Variants in AMBRA1 observed in about 807,000 individuals in gnomAD.
The protein encoded by AMBRA1 is activating molecule in BECN1-regulated autophagy protein 1.
In AMBRA1, 47 loss-of-function variants were observed where a neutral mutation model predicts 125.4. The observed-to-expected ratio is 0.37, with a 90% CI of 0.30 to 0.48. The LOEUF is 0.48. Ranked by LOEUF, AMBRA1 falls within the 20% of genes least tolerant of loss-of-function variation. AMBRA1 has a pLI of 0.99. For synonymous variants in AMBRA1, 626 were observed against 655.5 expected, an observed-to-expected ratio of 0.95 and a Z score of 0.69; for missense variants, 1,331 against 1,693.4, an observed-to-expected ratio of 0.79 and a Z score of 3.76.
At chr11:46,489,971 A>G (rs1950405155) in intron 11 of AMBRA1, among the ~76,000 whole-genome samples, 1 of 152,220 alleles carries the variant, frequency 6.6e-6, no homozygotes, top group South Asian at 2.1e-4. Flanking sequence ...CAAGTGACAT[A>G]ACTTTCTGAG....
rs1230247251 is a variant in AMBRA1, at chr11:46,397,638, C to G, written c.3709G>C (p.Gly1237Arg). The G allele has an allele frequency of 5.6e-6, 9 of 1,612,534 alleles. No homozygotes were observed. The highest frequency in any genetic ancestry group is 6.8e-6 in the Non-Finnish European group (8 of 1,178,994). The change falls in exon 18 of 18, where the codon GGT becomes CGT. Residue 1237 changes from glycine (G) to arginine (R), a missense_variant. Gly to Arg is a moderately radical substitution (Grantham distance 125). This residue lies in a region of AMBRA1 where 144 missense variants were observed against 133.9 expected (regional missense o/e 1.08). Transcript: ENST00000683756. Reference sequence around the variant, plus strand: ...TGGGTTGGCTCCCGCCCAGGGGTACCAGGCTGGTCCCAGGAAGCTGTCCGG... The same window carrying G: ...TGGGTTGGCTCCCGCCCAGGGGTACGAGGCTGGTCCCAGGAAGCTGTCCGG... ...SPRTASWDQPGTPGREPTQPT... is the reference protein window; with the variant it reads ...SPRTASWDQPRTPGREPTQPT...
At chr11:46,593,056 G>A (rs1473420602) in intron 1 of AMBRA1, among the ~76,000 whole-genome samples, 1 of 152,144 alleles carries the variant, frequency 6.6e-6, no homozygotes, top group African/African-American at 2.4e-5. Context: ...AACTGTCATT[G>A]CTACACTAGT....
intron 17 of AMBRA1, among the ~76,000 whole-genome samples, chr11:46,400,369 TC>T (rs913587177): frequency 6.6e-6 from 1 of 151,708 alleles, no homozygotes; most frequent in African/African-American, 2.4e-5. Flanking sequence ...GAGTTGGATT[TC>T]CAGGCCAGCC....
Position 46,554,446 on chromosome 11 carries a change from G to A in AMBRA1, c.-120-5946C>T, listed in dbSNP as rs538746657. Among the ~76,000 whole-genome samples, 26 of 152,140 alleles carry A rather than the reference G, an allele frequency of 1.7e-4. No individual in the cohort carries two copies. The South Asian group carries it at 5.4e-3, about 32-fold the overall frequency. On this transcript the variant is annotated intron_variant, in intron 1 of 17. Transcript: ENST00000683756. ...TATCAATACCAAGAAAAAAATCAAA[G>A]GATCAGGATTACCAAACAACATTTC...
intron 12 of AMBRA1, among the ~76,000 whole-genome samples, chr11:46,436,964 C>T (rs1359852215): frequency 6.6e-6 from 1 of 152,186 alleles, no homozygotes; most frequent in Non-Finnish European, 1.5e-5. Context: ...ATTTTATCTA[C>T]ATTTAATGTC....
At position 46,418,511 on chromosome 11, in the gene AMBRA1, A is replaced by G. The variant is rs1260002376; in HGVS notation, c.2977-459T>C. 3.3e-5 allele frequency among the ~76,000 whole-genome samples: 5 copies of G among 151,634 alleles called. 1 individual carries two copies. The East Asian group carries it at 9.6e-4, about 29-fold the overall frequency. The stretch of plus-strand genomic sequence containing the variant: ...GGTGTGCTGCACCCATTAACTCGTC[A>G]GTCACATTAGGTATATCTTCTAATG... On this transcript the variant is annotated intron_variant, in intron 14 of 17. Transcript: ENST00000683756.
At chr11:46,433,999 T>C (rs895106328) in intron 13 of AMBRA1, among the ~76,000 whole-genome samples, 7 of 150,370 alleles carry the variant, frequency 4.7e-5, no homozygotes, top group African/African-American at 1.7e-4. Flanking sequence ...CCTGTAATAC[T>C]AGCTACTCGG....
At chr11:46,550,572 G>C (rs1039876195) in intron 1 of AMBRA1, among the ~76,000 whole-genome samples, 1 of 152,100 alleles carries the variant, frequency 6.6e-6, no homozygotes, top group Non-Finnish European at 1.5e-5. Context: ...TTAATGGGGG[G>C]AGATGCTGAA....
chr11:46,524,792 CT>C (rs1565251565), intron 7 of AMBRA1, among the ~76,000 whole-genome samples: 1 of 152,162 alleles, frequency 6.6e-6, no homozygotes, highest in African/African-American at 2.4e-5. Context: ...TAAAAAGGTA[CT>C]TTGTCAGAAA....
At chr11:46,577,595 C>T (rs748471567) in intron 1 of AMBRA1, among the ~76,000 whole-genome samples, 14 of 151,616 alleles carry the variant, frequency 9.2e-5, no homozygotes, top group South Asian at 2.1e-4. Context: ...TTTAAGATGG[C>T]TAAATTTACG....
At chr11:46,429,890 G>T (rs1271397070) in intron 14 of AMBRA1, among the ~76,000 whole-genome samples, 1 of 151,926 alleles carries the variant, frequency 6.6e-6, no homozygotes. Context: ...TTAACAAAAA[G>T]CCCTCTCTGG....
intron 17 of AMBRA1, among the ~76,000 whole-genome samples, chr11:46,400,400 A>T (rs941033895): frequency 6.8e-6 from 1 of 147,492 alleles, no homozygotes; most frequent in Non-Finnish European, 1.5e-5. Flanking sequence ...GCTTGGTGGC[A>T]TCTAAGGCCC....
At chr11:46,470,471 C>T (rs1949540227) in intron 11 of AMBRA1, among the ~76,000 whole-genome samples, 1 of 151,816 alleles carries the variant, frequency 6.6e-6, no homozygotes, top group South Asian at 2.1e-4. Flanking sequence ...TGCCTGTAGT[C>T]CCAGCTACTG....
chr11:46,454,622 G>A (rs1430233935), intron 11 of AMBRA1, among the ~76,000 whole-genome samples: 1 of 151,020 alleles, frequency 6.6e-6, no homozygotes. Context: ...GAGGTGGCGG[G>A]CGCCTGCAGT....
At chr11:46,430,156 A>C (rs1344220229) in intron 14 of AMBRA1, among the ~76,000 whole-genome samples, 1 of 152,240 alleles carries the variant, frequency 6.6e-6, no homozygotes, top group Admixed American at 6.5e-5. Context: ...AGACTCCAGC[A>C]CATACAGCTA....
At chr11:46,563,666 C>A (rs1027013089) in intron 1 of AMBRA1, among the ~76,000 whole-genome samples, 1 of 151,848 alleles carries the variant, frequency 6.6e-6, no homozygotes, top group African/African-American at 2.4e-5. Flanking sequence ...GTAGTGAAAC[C>A]CCGTCTCTAC....
intron 12 of AMBRA1, among the ~76,000 whole-genome samples, chr11:46,440,486 T>C (rs934819545): frequency 2.6e-5 from 4 of 152,238 alleles, no homozygotes; most frequent in Non-Finnish European, 5.9e-5. Flanking sequence ...GGGGGCTTCT[T>C]ACTGTATTAA....
chr11:46,584,296 T>C (rs1220323133), intron 1 of AMBRA1, among the ~76,000 whole-genome samples: 2 of 146,218 alleles, frequency 1.4e-5, no homozygotes, highest in African/African-American at 2.6e-5. Flanking sequence ...CACCGCATGT[T>C]CTCACTCATA....
chr11:46,399,306 T>A (rs950275952), intron 17 of AMBRA1, among the ~76,000 whole-genome samples: 2 of 152,290 alleles, frequency 1.3e-5, no homozygotes, highest in African/African-American at 4.8e-5. Flanking sequence ...ACTCCTGACC[T>A]CAGGTAATCT....
Sources: gnomAD v4.1 joint callset for allele counts (sites outside exome capture counted in the v4.1 genomes callset) on GRCh38, gnomAD v4.1.1 for gene constraint, gnomAD v4.1.1 regional missense constraint, MANE v1.5 for transcripts, NCBI Gene and HGNC (gene_info 2026-07-23, HGNC 2026-07-21) for gene names.